Variants in ADAMTS2 observed in about 807,000 individuals in gnomAD.
ADAMTS2 encodes ADAM metallopeptidase with thrombospondin type 1 motif 2, also known as A disintegrin and metalloproteinase with thrombospondin motifs 2.
ADAMTS2 carries 50 observed loss-of-function variants against 123.0 expected under a neutral mutation model. The observed-to-expected ratio is 0.41, with a 90% CI of 0.32 to 0.51. The LOEUF is 0.51. ADAMTS2 is among the 20% of genes least tolerant of loss of function. The pLI, the probability that ADAMTS2 is intolerant of heterozygous loss-of-function variation, is 0.35. For synonymous variants in ADAMTS2, 678 were observed against 695.4 expected (o/e 0.98, Z 0.39); for missense variants, 1,494 against 1,705.2 (o/e 0.88, Z 2.18).
intron 9 of ADAMTS2, among the ~76,000 whole-genome samples, chr5:179,152,701 T>C (rs1033226972): frequency 1.4e-4 from 22 of 152,134 alleles, no homozygotes; most frequent in Admixed American, 7.9e-4. Context: ...CTGATAGCAC[T>C]TCCTGCAGGA....
chr5:179,229,481 A>ACGAGACCCCGC (rs1481796510), intron 3 of ADAMTS2, among the ~76,000 whole-genome samples: 19 of 130,910 alleles, frequency 1.5e-4, no homozygotes, highest in Non-Finnish European at 2.5e-4. Context: ...CTCCACAAAC[A>ACGAGACCCCGC]TGAGACCCCG....
At chr5:179,252,165 G>T (rs544201780) in intron 3 of ADAMTS2, among the ~76,000 whole-genome samples, 39 of 151,906 alleles carry the variant, frequency 2.6e-4, no homozygotes, top group Middle Eastern at 6.9e-3. Flanking sequence ...ATGCCACCAC[G>T]TGTAGCTAAT....
chr5:179,125,977 GC>G lies in ADAMTS2; in HGVS notation c.2750+20del. 1.2e-6 allele frequency: 2 copies of G among 1,613,134 alleles called. No homozygotes were observed. The highest frequency in any genetic ancestry group is 1.7e-6 in the Non-Finnish European group (2 of 1,179,940). On this transcript the variant is annotated intron_variant, in intron 18 of 21. Coordinates refer to ENST00000251582, the MANE Select transcript of ADAMTS2 (RefSeq NM_014244.5). ...CCCTGGCCTGTCTCCTCTAGTGGGA[GC>G]CCGAGCTGGGGGCACTCACACTGGC...
At chr5:179,270,223 G>A (rs566434734) in intron 3 of ADAMTS2, among the ~76,000 whole-genome samples, 2 of 152,228 alleles carry the variant, frequency 1.3e-5, no homozygotes, top group African/African-American at 4.8e-5. Flanking sequence ...ATCACCCTGA[G>A]CAGCCCGTGG....
At position 179,262,893 on chromosome 5, in the gene ADAMTS2, C is replaced by T. The variant is rs1048071204; in HGVS notation, c.688+10018G>A. 7.2e-5 allele frequency among the ~76,000 whole-genome samples: 11 copies of T among 152,236 alleles called. No homozygotes were observed. Among genetic ancestry groups the T allele is most frequent in the East Asian group, 5.8e-4 (3 of 5,200 alleles). On this transcript the variant is annotated intron_variant, in intron 3 of 21. Coordinates refer to ENST00000251582, the MANE Select transcript of ADAMTS2 (RefSeq NM_014244.5). This position sits in a 1 kb window ranked among gnomAD's most constrained non-coding sequence, Gnocchi z 5.9. ...TGGTGGACACATAGCAAGAACGTGACGAGTGAATGCAGGAAAATACACTTG... is the reference window on the plus strand; with the variant it reads ...TGGTGGACACATAGCAAGAACGTGATGAGTGAATGCAGGAAAATACACTTG...
chr5:179,185,638 C>T lies in ADAMTS2; in HGVS notation c.892-4483G>A, dbSNP rs771640496. Among the ~76,000 whole-genome samples the T allele has an allele frequency of 3.1e-4, 47 of 152,084 alleles. No homozygotes were observed. Among genetic ancestry groups the T allele is most frequent in the Admixed American group, 1.1e-3 (17 of 15,286 alleles). On this transcript the variant is annotated intron_variant, in intron 4 of 21. Coordinates refer to ENST00000251582, the MANE Select transcript of ADAMTS2 (RefSeq NM_014244.5). The surrounding 1 kb of genome is among the most constrained non-coding windows in gnomAD (Gnocchi z 5.9). ...TGACCAACCACTCCAAAAGCCCCGTCGCTGGGCATGGAACTCCCTGGGATA... is the reference window on the plus strand; with the variant it reads ...TGACCAACCACTCCAAAAGCCCCGTTGCTGGGCATGGAACTCCCTGGGATA...
At position 179,130,497 on chromosome 5, in the gene ADAMTS2, T is replaced by C. The variant is rs1177870931; in HGVS notation, c.2291-399A>G. Among the ~76,000 whole-genome samples, 3 of 152,170 alleles carry C rather than the reference T, an allele frequency of 2.0e-5. No individual in the cohort carries two copies. Among genetic ancestry groups the C allele is most frequent in the East Asian group, 3.9e-4 (2 of 5,194 alleles). ...GGCATCTGCTGGACAGGCGAGCACA[T>C]GACCCTGCTGGAGTAGGGCTTCCTG... On this transcript the variant is annotated intron_variant, in intron 15 of 21. Transcript: ENST00000251582. This position sits in a 1 kb window ranked among gnomAD's most constrained non-coding sequence, Gnocchi z 4.3.
Position 179,225,646 on chromosome 5 carries a change from C to T in ADAMTS2, c.689-17931G>A, listed in dbSNP as rs971950309. On this transcript the variant is annotated intron_variant, in intron 3 of 21. Coordinates refer to ENST00000251582, the MANE Select transcript of ADAMTS2 (RefSeq NM_014244.5). The surrounding 1 kb of genome is among the most constrained non-coding windows in gnomAD (Gnocchi z 4.5). ...CACCAGCACGCTGCAGGCCACCGAC[C>T]GGCAGAAGCAGAACGACACGGAGTT... 2.0e-5 allele frequency among the ~76,000 whole-genome samples: 3 copies of T among 152,164 alleles called. No homozygotes were observed. The highest frequency in any genetic ancestry group is 4.2e-4 in the South Asian group (2 of 4,816).
At chr5:179,241,991 G>A (rs1188550185) in intron 3 of ADAMTS2, among the ~76,000 whole-genome samples, 1 of 152,152 alleles carries the variant, frequency 6.6e-6, no homozygotes, top group Non-Finnish European at 1.5e-5. Context: ...TGGTGGGGGG[G>A]CACATAGCCC....
chr5:179,229,893 C>A (rs1765369605), intron 3 of ADAMTS2, among the ~76,000 whole-genome samples: 1 of 152,172 alleles, frequency 6.6e-6, no homozygotes, highest in South Asian at 2.1e-4. Flanking sequence ...TGTCAGCTGG[C>A]CGGACAGGCC....
intron 3 of ADAMTS2, among the ~76,000 whole-genome samples, chr5:179,264,974 C>T (rs1425475545): frequency 1.4e-5 from 2 of 146,858 alleles, no homozygotes; most frequent in African/African-American, 4.9e-5. Context: ...GCACCAACAG[C>T]AGCATGCCGG....
In ADAMTS2 at chr5:179,162,817, G is replaced by C. The variant is rs867556971; in HGVS notation, c.976-3938C>G. Among the ~76,000 whole-genome samples the C allele has an allele frequency of 6.6e-6, 1 of 152,384 alleles. No individual in the cohort carries two copies. On this transcript the variant is annotated intron_variant, in intron 5 of 21. Transcript: ENST00000251582. The surrounding 1 kb of genome is among the most constrained non-coding windows in gnomAD (Gnocchi z 5.1). ...CTCTCCTTGTGAAAGCCAATTCTGA[G>C]TTGTGCTCTTGTCACTTGCAGCGAA...
chr5:179,223,358 TCA>T (rs149653431), intron 3 of ADAMTS2, among the ~76,000 whole-genome samples: 31,503 of 133,980 alleles, frequency 0.24, 3,536 homozygotes, highest in Middle Eastern at 0.35. Context: ...ACGAATGCAC[TCA>T]GACACTCACA....
chr5:179,304,274 A>C (rs1231361886), intron 2 of ADAMTS2, among the ~76,000 whole-genome samples: 1 of 152,232 alleles, frequency 6.6e-6, no homozygotes, highest in Non-Finnish European at 1.5e-5. Flanking sequence ...TCATAGGGTA[A>C]TATCAAAGTG....
At chr5:179,208,919 A>G (rs1232226914) in intron 3 of ADAMTS2, among the ~76,000 whole-genome samples, 1 of 152,148 alleles carries the variant, frequency 6.6e-6, no homozygotes, top group East Asian at 1.9e-4. Context: ...CCAGGCCCCG[A>G]GGCCCCTGCA....
chr5:179,149,484 C>T (rs369132908), intron 10 of ADAMTS2, among the ~76,000 whole-genome samples: 9 of 152,292 alleles, frequency 5.9e-5, no homozygotes, highest in African/African-American at 1.9e-4. Flanking sequence ...AGGCTGCGGC[C>T]GGGGCAGACT....
intron 2 of ADAMTS2, among the ~76,000 whole-genome samples, chr5:179,322,702 C>T (rs1757220166): frequency 6.6e-6 from 1 of 152,232 alleles, no homozygotes; most frequent in Admixed American, 6.5e-5. Context: ...CTCGGCAGCT[C>T]CGCAGGCAGG....
chr5:179,187,505 T>C (rs1024032917), intron 4 of ADAMTS2, among the ~76,000 whole-genome samples: 2 of 152,206 alleles, frequency 1.3e-5, no homozygotes, highest in Non-Finnish European at 1.5e-5. Flanking sequence ...ACTTTGAAGA[T>C]ATGGAATAAC....
At chr5:179,192,954 C>T (rs965859335) in intron 4 of ADAMTS2, among the ~76,000 whole-genome samples, 1 of 152,176 alleles carries the variant, frequency 6.6e-6, no homozygotes, top group Non-Finnish European at 1.5e-5. Flanking sequence ...CAAGCTCAGC[C>T]GCACGCGCCT....
Sources: gnomAD v4.1 joint callset for allele counts (sites outside exome capture counted in the v4.1 genomes callset) on GRCh38, gnomAD v4.1.1 for gene constraint, Gnocchi (gnomAD v3.1) non-coding constraint, MANE v1.5 for transcripts, NCBI Gene and HGNC (gene_info 2026-07-23, HGNC 2026-07-21) for gene names.